The following SHISA6 variants were observed in gnomAD, a reference collection of about 807,000 sequenced individuals.
The protein encoded by SHISA6 is protein shisa-6.
Under a neutral mutation model 47.9 loss-of-function variants are expected in SHISA6, and 22 were observed. The observed-to-expected ratio is 0.46, with a 90% CI of 0.33 to 0.66. The LOEUF (loss-of-function observed/expected upper bound fraction) is 0.66, where lower values mean the gene tolerates loss of function less well. SHISA6 is among the 30% of genes least tolerant of loss of function. The pLI, the probability that SHISA6 is intolerant of heterozygous loss-of-function variation, is 0.02. For missense variants in SHISA6, 680 were observed against 764.6 expected (o/e 0.89, Z 1.30); for synonymous variants, 388 against 337.8 (o/e 1.15, Z -1.63).
intron 3 of SHISA6, among the ~76,000 whole-genome samples, chr17:11,422,635 G>A (rs1168041147): frequency 2.6e-5 from 4 of 151,998 alleles, no homozygotes; most frequent in Admixed American, 1.3e-4. Context: ...GGTGGTGCAC[G>A]CCTGTAGTCC....
intron 1 of SHISA6, among the ~76,000 whole-genome samples, chr17:11,244,444 T>A (rs1039762582): frequency 6.6e-6 from 1 of 152,110 alleles, no homozygotes; most frequent in African/African-American, 2.4e-5. Context: ...AAGCACAATG[T>A]CCCAACTCAG....
intron 1 of SHISA6, among the ~76,000 whole-genome samples, chr17:11,249,723 CAT>C (rs1407158044): frequency 2.0e-5 from 3 of 152,162 alleles, no homozygotes; most frequent in African/African-American, 7.2e-5. Context: ...ATAAGGGTAA[CAT>C]ATTTTAATTT....
At chr17:11,541,791 C>T (rs931121071) in intron 3 of SHISA6, among the ~76,000 whole-genome samples, 2 of 152,118 alleles carry the variant, frequency 1.3e-5, no homozygotes, top group Admixed American at 6.5e-5. Flanking sequence ...CCTTCATCTC[C>T]ACTTCCCTCT....
chr17:11,312,213 T>A (rs1447032114), intron 2 of SHISA6, among the ~76,000 whole-genome samples: 1 of 152,134 alleles, frequency 6.6e-6, no homozygotes, highest in Non-Finnish European at 1.5e-5. Flanking sequence ...TATCCATTAA[T>A]CCTTTTCTCT....
At chr17:11,527,519 TCA>T (rs1183844983) in intron 3 of SHISA6, among the ~76,000 whole-genome samples, 3 of 152,168 alleles carry the variant, frequency 2.0e-5, no homozygotes, top group East Asian at 1.9e-4. Context: ...CTTTTTATAT[TCA>T]GTTAGTATTA....
intron 2 of SHISA6, among the ~76,000 whole-genome samples, chr17:11,379,066 G>A (rs1169235210): frequency 6.7e-6 from 1 of 150,352 alleles, no homozygotes; most frequent in Non-Finnish European, 1.5e-5. Flanking sequence ...ATGTTCCCAG[G>A]ACTTTGTTCT....
intron 2 of SHISA6, among the ~76,000 whole-genome samples, chr17:11,357,031 C>G (rs1008876018): frequency 6.6e-6 from 1 of 151,580 alleles, no homozygotes; most frequent in Non-Finnish European, 1.5e-5. Flanking sequence ...ACAACAACAA[C>G]AAAAATAGCT....
At chr17:11,468,150 C>T (rs1915855203) in intron 3 of SHISA6, among the ~76,000 whole-genome samples, 1 of 151,946 alleles carries the variant, frequency 6.6e-6, no homozygotes, top group Non-Finnish European at 1.5e-5. Flanking sequence ...CAATTGCTGC[C>T]CTTTCCTCCT....
At chr17:11,490,892 A>G (rs1330488629) in intron 3 of SHISA6, among the ~76,000 whole-genome samples, 1 of 152,244 alleles carries the variant, frequency 6.6e-6, no homozygotes, top group Admixed American at 6.5e-5. Context: ...GGGTCTTTCC[A>G]GGGGCTTTGT....
chr17:11,511,740 C>A (rs998189111), intron 3 of SHISA6, among the ~76,000 whole-genome samples: 3 of 152,212 alleles, frequency 2.0e-5, no homozygotes, highest in African/African-American at 7.2e-5. Context: ...AATCAGTAAA[C>A]CCACTCCACC....
At chr17:11,400,138 C>G (rs1913715787) in intron 3 of SHISA6, among the ~76,000 whole-genome samples, 1 of 152,120 alleles carries the variant, frequency 6.6e-6, no homozygotes. Context: ...AACACTTTTC[C>G]TTAAAGAATG....
intron 2 of SHISA6, among the ~76,000 whole-genome samples, chr17:11,286,831 C>G (rs1475045743): frequency 6.6e-6 from 1 of 152,154 alleles, no homozygotes; most frequent in Non-Finnish European, 1.5e-5. Flanking sequence ...CTGCATCCAG[C>G]CTTGGAAGGA....
At chr17:11,379,571 G>A in intron 3 of SHISA6, 62 bp downstream of exon 3, 1 of 1,186,438 alleles carries the variant, frequency 8.4e-7, no homozygotes, top group East Asian at 2.9e-5. Flanking sequence ...CATCTGAAAT[G>A]AGAAGATGGT....
chr17:11,500,876 T>G (rs140556063), intron 3 of SHISA6, among the ~76,000 whole-genome samples: 55 of 152,246 alleles, frequency 3.6e-4, no homozygotes, highest in Non-Finnish European at 6.0e-4. Flanking sequence ...GCAGAAAGGT[T>G]GTTTTTTCCC....
intron 3 of SHISA6, among the ~76,000 whole-genome samples, chr17:11,518,089 C>T (rs535331164): frequency 4.7e-4 from 71 of 152,168 alleles, no homozygotes; most frequent in African/African-American, 1.5e-3. Flanking sequence ...ACATTTTAGG[C>T]CACACATGCA....
intron 2 of SHISA6, among the ~76,000 whole-genome samples, chr17:11,310,403 A>G (rs903124635): frequency 6.6e-6 from 1 of 152,184 alleles, no homozygotes; most frequent in Non-Finnish European, 1.5e-5. Flanking sequence ...GGGATATAAG[A>G]TGATCAAAAT....
At chr17:11,256,343 A>G (rs1908006178) in intron 1 of SHISA6, among the ~76,000 whole-genome samples, 1 of 152,134 alleles carries the variant, frequency 6.6e-6, no homozygotes, top group Non-Finnish European at 1.5e-5. Context: ...TAAACATACA[A>G]AAAGTAGCTG....
intron 3 of SHISA6, among the ~76,000 whole-genome samples, chr17:11,518,250 T>C (rs1165531399): frequency 2.0e-5 from 3 of 152,186 alleles, no homozygotes; most frequent in African/African-American, 4.8e-5. Context: ...ATGTTGACTA[T>C]GGTTCAGACT....
chr17:11,479,753 T>C (rs1916166314), intron 3 of SHISA6, among the ~76,000 whole-genome samples: 1 of 151,858 alleles, frequency 6.6e-6, no homozygotes, highest in African/African-American at 2.4e-5. Flanking sequence ...ATATATAATA[T>C]ATATACATAC....
Sources: gnomAD v4.1 joint callset for allele counts (sites outside exome capture counted in the v4.1 genomes callset) on GRCh38, gnomAD v4.1.1 for gene constraint, MANE v1.5 for transcripts, NCBI Gene and HGNC (gene_info 2026-07-23, HGNC 2026-07-21) for gene names.